Variants in EGFLAM observed in about 807,000 individuals in gnomAD.
EGFLAM encodes pikachurin.
A neutral mutation model predicts 113.1 loss-of-function variants in EGFLAM; 79 were observed. That is an observed-to-expected ratio of 0.70 (90% CI 0.58 to 0.84). The LOEUF (loss-of-function observed/expected upper bound fraction) is 0.84. EGFLAM is among the 40% of genes least tolerant of loss of function. EGFLAM has a pLI of 0.00. For synonymous variants in EGFLAM, 504 were observed against 487.6 expected, an observed-to-expected ratio of 1.03 and a Z score of -0.44; for missense variants, 1,265 against 1,291.6, an observed-to-expected ratio of 0.98 and a Z score of 0.32.
At chr5:38,329,298 T>C (rs1307894651) in intron 1 of EGFLAM, among the ~76,000 whole-genome samples, 2 of 10,076 alleles carry the variant, frequency 2.0e-4, no homozygotes, top group Non-Finnish European at 3.6e-4. Context: ...CAAAGATAAA[T>C]AAATAAATAA....
At chr5:38,375,742 T>C (rs1419294389) in intron 6 of EGFLAM, among the ~76,000 whole-genome samples, 1 of 152,192 alleles carries the variant, frequency 6.6e-6, no homozygotes, top group Non-Finnish European at 1.5e-5. Flanking sequence ...AACTGGCACT[T>C]AGCTGAAGTG....
intron 5 of EGFLAM, among the ~76,000 whole-genome samples, chr5:38,366,213 A>G (rs913291832): frequency 1.3e-5 from 2 of 152,188 alleles, no homozygotes; most frequent in African/African-American, 2.4e-5. Context: ...AGTGATCAAC[A>G]TAGAGAACCA....
intron 16 of EGFLAM, among the ~76,000 whole-genome samples, chr5:38,436,824 G>T (rs888511092): frequency 6.6e-6 from 1 of 152,230 alleles, no homozygotes; most frequent in African/African-American, 2.4e-5. Context: ...CTGAAAGGGG[G>T]AGATTGTAGA....
intron 5 of EGFLAM, among the ~76,000 whole-genome samples, chr5:38,361,713 C>T (rs1739927819): frequency 6.6e-6 from 1 of 152,150 alleles, no homozygotes; most frequent in Non-Finnish European, 1.5e-5. Context: ...ATGTGGCCCT[C>T]AAACAGTGAG....
chr5:38,290,385 T>C (rs912864743), intron 1 of EGFLAM, among the ~76,000 whole-genome samples: 3 of 152,182 alleles, frequency 2.0e-5, no homozygotes, highest in Non-Finnish European at 4.4e-5. Flanking sequence ...GATATACCCA[T>C]AAGCAGAGGC....
chr5:38,442,459 TA>T (rs1450203004), intron 17 of EGFLAM, among the ~76,000 whole-genome samples: 3 of 149,606 alleles, frequency 2.0e-5, no homozygotes, highest in African/African-American at 7.3e-5. Flanking sequence ...TTTAATATAT[TA>T]AAAATAAGTC....
intron 5 of EGFLAM, among the ~76,000 whole-genome samples, chr5:38,364,757 C>A (rs1740016949): frequency 6.6e-6 from 1 of 152,160 alleles, no homozygotes; most frequent in Non-Finnish European, 1.5e-5. Context: ...GGAAGGTGAT[C>A]TAATCAGTGT....
At position 38,338,732 on chromosome 5, in the gene EGFLAM, T is replaced by G; in HGVS notation, c.242T>G (p.Leu81Arg). Residue 81 changes from leucine (L) to arginine (R), a missense_variant, in exon 3 of 22, where the codon CTG becomes CGG. Leu to Arg is a moderately radical substitution (Grantham distance 102). Transcript: ENST00000322350. ...FYSEVGADKS[L>R]QEQLHSVPLS... Reference sequence around the variant, plus strand: ...TCTGAGGTTGGCGCAGATAAATCCCTGCAGGAGCAGTTGCACAGCGTGCCT... The same window carrying G: ...TCTGAGGTTGGCGCAGATAAATCCCGGCAGGAGCAGTTGCACAGCGTGCCT... The G allele has an allele frequency of 6.2e-7, 1 of 1,614,260 alleles. No homozygotes were observed. The highest frequency in any genetic ancestry group is 8.5e-7 in the Non-Finnish European group (1 of 1,180,044).
chr5:38,290,625 TC>T (rs1758301633), intron 1 of EGFLAM: 2 of 152,272 alleles, frequency 1.3e-5, no homozygotes, highest in African/African-American at 4.8e-5. Flanking sequence ...CTTGTCCTTT[TC>T]CTTCTCAATC....
intron 6 of EGFLAM, among the ~76,000 whole-genome samples, chr5:38,374,274 A>T (rs1184081266): frequency 6.6e-6 from 1 of 152,152 alleles, no homozygotes; most frequent in Non-Finnish European, 1.5e-5. Context: ...ATGGAGAAAG[A>T]ATCGTTCACA....
chr5:38,416,640 AAGGATTG>A (rs1316981980), intron 11 of EGFLAM, among the ~76,000 whole-genome samples: 1 of 152,196 alleles, frequency 6.6e-6, no homozygotes, highest in East Asian at 1.9e-4. Flanking sequence ...TGCTCTAGAA[AAGGATTG>A]AGCTGTCAGG....
chr5:38,332,925 C>A (rs148181743), intron 1 of EGFLAM, among the ~76,000 whole-genome samples: 1 of 152,158 alleles, frequency 6.6e-6, no homozygotes, highest in Non-Finnish European at 1.5e-5. Flanking sequence ...TGTTTATGGC[C>A]GGTTTTGGGG....
chr5:38,310,330 T>C (rs6859184), intron 1 of EGFLAM, among the ~76,000 whole-genome samples: 24,332 of 152,078 alleles, frequency 0.16, 2,137 homozygotes, highest in Middle Eastern at 0.27. Context: ...TCACTTACTA[T>C]CTGTACACTT....
chr5:38,263,216 C>A (rs775239257), intron 1 of EGFLAM, among the ~76,000 whole-genome samples: 8 of 152,212 alleles, frequency 5.3e-5, no homozygotes, highest in Non-Finnish European at 1.0e-4. Context: ...AATCCCAGCA[C>A]TTTGGAAGGC....
intron 17 of EGFLAM, among the ~76,000 whole-genome samples, chr5:38,441,991 CA>C (rs1742551527): frequency 6.6e-6 from 1 of 152,182 alleles, no homozygotes; most frequent in Non-Finnish European, 1.5e-5. Context: ...CTGTACTCAT[CA>C]GGGGCGCACA....
At chr5:38,364,438 G>T (rs1740007159) in intron 5 of EGFLAM, among the ~76,000 whole-genome samples, 2 of 152,180 alleles carry the variant, frequency 1.3e-5, no homozygotes, top group Admixed American at 1.3e-4. Flanking sequence ...GACTGAGGAA[G>T]CCACTTAAGC....
chr5:38,321,117 G>A lies in EGFLAM; in HGVS notation c.98-16403G>A, dbSNP rs1738728240. Among the ~76,000 whole-genome samples the A allele has an allele frequency of 2.0e-5, 3 of 152,106 alleles. No individual in the cohort carries two copies. The South Asian group carries it at 6.2e-4, about 32-fold the overall frequency. On this transcript the variant is annotated intron_variant, in intron 1 of 21. Transcript: ENST00000322350. ...TATTTCTTATACAACTTACCATAGT[G>A]TAGAATCAGTGGGAGCCCTGAGTTT...
intron 6 of EGFLAM, among the ~76,000 whole-genome samples, chr5:38,393,041 A>G (rs899598714): frequency 2.0e-5 from 3 of 152,132 alleles, no homozygotes; most frequent in African/African-American, 7.2e-5. Context: ...CCTGGCCCAC[A>G]ATGCCTTTTC....
intron 1 of EGFLAM, among the ~76,000 whole-genome samples, chr5:38,327,450 G>A (rs1738920481): frequency 1.3e-5 from 2 of 152,170 alleles, no homozygotes; most frequent in South Asian, 4.1e-4. Context: ...CTTCATCTCT[G>A]CCACCCTAAT....
Sources: allele counts gnomAD v4.1 joint callset (sites outside exome capture counted in the v4.1 genomes callset), GRCh38; gene constraint gnomAD v4.1.1; transcripts MANE v1.5; gene names NCBI Gene and HGNC (gene_info 2026-07-23, HGNC 2026-07-21).